UNKL: variants seen among roughly 807,000 people sequenced by gnomAD.
UNKL encodes the protein unk like zinc finger.
A neutral mutation model predicts 78.0 loss-of-function variants in UNKL; 60 were observed. That is an observed-to-expected ratio of 0.77 (90% CI 0.63 to 0.95). The LOEUF (loss-of-function observed/expected upper bound fraction) is 0.95, where lower values mean the gene tolerates loss of function less well. UNKL is among the 40% of genes least tolerant of loss of function. UNKL has a pLI of 0.00. For synonymous variants in UNKL, 608 were observed against 474.8 expected, an observed-to-expected ratio of 1.28 and a Z score of -3.65; for missense variants, 1,159 against 1,045.7, an observed-to-expected ratio of 1.11 and a Z score of -1.49.
chr16:1,395,778 G>A (rs1478542561), intron 6 of UNKL: 1 of 456,566 alleles, frequency 2.2e-6, no homozygotes. Context: ...ACTGAACACA[G>A]AAAACGCCCC....
intron 10 of UNKL, chr16:1,379,685 C>T (rs1760784760): frequency 7.1e-6 from 7 of 984,468 alleles, no homozygotes; most frequent in Non-Finnish European, 8.4e-6. Context: ...GGATTCAAAC[C>T]CGGCCCGCGC....
At chr16:1,369,569 A>G (rs1355802017) in intron 12 of UNKL, among the ~76,000 whole-genome samples, 2 of 151,936 alleles carry the variant, frequency 1.3e-5, no homozygotes, top group Non-Finnish European at 2.9e-5. Flanking sequence ...GGGTTTCTCC[A>G]TGTTGGTCAG....
rs559634723 is a variant in UNKL, at chr16:1,368,578, C to T, written c.1586-720G>A. Among the ~76,000 whole-genome samples, 390 of 115,122 alleles carry T rather than the reference C, an allele frequency of 3.4e-3. 1 individual carries two copies. Among genetic ancestry groups the T allele is most frequent in the Admixed American group, 9.3e-3 (75 of 8,026 alleles). The allele number at this position is 115,122 out of a possible 152,430, so 75.5% of individuals were successfully genotyped here. A position where few individuals can be genotyped will look rare whatever the true frequency, so the allele number is the denominator to read the frequency against. On this transcript the variant is annotated intron_variant, in intron 12 of 14. Transcript: ENST00000389221. ...GATTGCGCCACTGCAGTCCGCAGTC[C>T]GGCCTGGGCGACAGAATGAGACTCC...
rs2037441866 is a variant in UNKL, at chr16:1,399,888, T to A, written c.599-379A>T. Among the ~76,000 whole-genome samples the A allele has an allele frequency of 6.6e-6, 1 of 152,088 alleles. No homozygotes were observed. The highest frequency in any genetic ancestry group is 2.1e-4 in the South Asian group (1 of 4,832). On this transcript the variant is annotated intron_variant, in intron 4 of 14. Transcript: ENST00000389221. This position sits in a 1 kb window ranked among gnomAD's most constrained non-coding sequence, Gnocchi z 5.8. ...GTGTGCACAGCTTTTGAGAATATGC[T>A]AAAATCCAGAGACATGCACACCCCG...
At chr16:1,396,986 G>C in intron 6 of UNKL, 192 bp downstream of exon 6, 2 of 596,364 alleles carry the variant, frequency 3.4e-6, no homozygotes, top group Non-Finnish European at 5.9e-6. Context: ...GCTGAGGGCA[G>C]CCCGAAGGCC....
At chr16:1,382,734 G>C (rs2142076092) in intron 10 of UNKL, among the ~76,000 whole-genome samples, 1 of 152,086 alleles carries the variant, frequency 6.6e-6, no homozygotes, top group South Asian at 2.1e-4. Context: ...GAGTTGGGAG[G>C]ATCACCTGAG....
rs1461703390 is a variant in UNKL at position 1,365,962 on chromosome 16, C to CA, written c.*277dup. 2.8e-5 allele frequency: 9 copies of CA among 319,126 alleles called. No homozygotes were observed. Among genetic ancestry groups the CA allele is most frequent in the African/African-American group, 4.2e-5 (2 of 47,214 alleles). The allele number at this position is 319,126 out of a possible 1,614,324, so 19.8% of individuals were successfully genotyped here. ...TGGATCCCGGAGGCACCAGGCCCCTCAGGGACAGGCAGGCGGGTTCTGTGG... is the reference window on the plus strand; with the variant it reads ...TGGATCCCGGAGGCACCAGGCCCCTCAAGGGACAGGCAGGCGGGTTCTGTGG... On this transcript the variant is annotated 3_prime_UTR_variant, in exon 15 of 15. Coordinates refer to ENST00000389221, the MANE Select transcript of UNKL (RefSeq NM_001372107.1).
At position 1,403,198 on chromosome 16, in the gene UNKL, A is replaced by AG; in HGVS notation, c.433dup (p.Leu145ProfsTer9). On this transcript the variant is annotated frameshift_variant, in exon 3 of 15. Coordinates refer to ENST00000389221, the MANE Select transcript of UNKL (RefSeq NM_001372107.1). LOFTEE classifies it high-confidence loss of function. The surrounding 1 kb of genome is among the most constrained non-coding windows in gnomAD (Gnocchi z 4.8). ...GTCACACACGGGCGGCCGCAGGTCC[A>AG]GGGGGCCGTGCGCGAAGGCACAGTG... 1 of 1,613,642 alleles carries AG rather than the reference A, an allele frequency of 6.2e-7. No individual in the cohort carries two copies.
chr16:1,383,819 C>T (rs2036704121), intron 10 of UNKL: 1 of 442,068 alleles, frequency 2.3e-6, no homozygotes, highest in Non-Finnish European at 4.6e-6. Flanking sequence ...GGGACTGCAG[C>T]GAGGGCCCCC....
At position 1,387,663 on chromosome 16, in the gene UNKL, C is replaced by T. The variant is rs949517825; in HGVS notation, c.1087-2278G>A. On this transcript the variant is annotated intron_variant, in intron 9 of 14. Transcript: ENST00000389221. This position sits in a 1 kb window ranked among gnomAD's most constrained non-coding sequence, Gnocchi z 4.1. Reference sequence around the variant, plus strand: ...AGCTCACCGCATCCAGCAGCTATCACTCAGAACCAAAAGCTCAGGATGGCA... The same window carrying T: ...AGCTCACCGCATCCAGCAGCTATCATTCAGAACCAAAAGCTCAGGATGGCA... Among the ~76,000 whole-genome samples the T allele has an allele frequency of 6.6e-6, 1 of 152,146 alleles. No individual in the cohort carries two copies. The highest frequency in any genetic ancestry group is 6.5e-5 in the Admixed American group (1 of 15,284).
At chr16:1,398,867 T>C in intron 5 of UNKL, 4 of 1,575,732 alleles carry the variant, frequency 2.5e-6, no homozygotes, top group Non-Finnish European at 3.4e-6. Context: ...AGGTCCTGTG[T>C]GCACCCTGGG....
In UNKL at chr16:1,414,596, A is replaced by G. The variant is rs2142319964; in HGVS notation, c.77+19T>C. The stretch of plus-strand genomic sequence containing the variant: ...GCACCGGGCGCGGGCGGGGGGCCGC[A>G]GGCCGGACGGGCGCTGACCTGTAGT... On this transcript the variant is annotated intron_variant, in intron 1 of 14. Coordinates refer to ENST00000389221, the MANE Select transcript of UNKL (RefSeq NM_001372107.1). The G allele has an allele frequency of 1.9e-6, 2 of 1,025,870 alleles. No individual in the cohort carries two copies. Among genetic ancestry groups the G allele is most frequent in the South Asian group, 3.8e-5 (1 of 26,412 alleles). The allele number at this position is 1,025,870 out of a possible 1,614,324, so 63.5% of individuals were successfully genotyped here. A position where few individuals can be genotyped will look rare whatever the true frequency, so the allele number is the denominator to read the frequency against.
At chr16:1,410,588 CAT>C (rs557249000) in intron 2 of UNKL, among the ~76,000 whole-genome samples, 54 of 152,328 alleles carry the variant, frequency 3.5e-4, no homozygotes, top group Admixed American at 2.6e-4. Flanking sequence ...GCCTGGGTGA[CAT>C]AGAGTGCTGC....
intron 9 of UNKL, among the ~76,000 whole-genome samples, chr16:1,385,772 T>C (rs2036789661): frequency 6.6e-6 from 1 of 152,236 alleles, no homozygotes; most frequent in Non-Finnish European, 1.5e-5. Flanking sequence ...CCACACCTCC[T>C]GGGTGCCCCC....
chr16:1,376,890 C>G (rs1219601012), intron 10 of UNKL, among the ~76,000 whole-genome samples: 1 of 152,174 alleles, frequency 6.6e-6, no homozygotes, highest in African/African-American at 2.4e-5. Context: ...CACTGCTGTC[C>G]TGAACCCAGA....
intron 2 of UNKL, among the ~76,000 whole-genome samples, chr16:1,409,817 A>T (rs1416046400): frequency 6.6e-6 from 1 of 152,134 alleles, no homozygotes; most frequent in Non-Finnish European, 1.5e-5. Context: ...GCGGTGGCTC[A>T]TGTCTGTAAT....
intron 2 of UNKL, among the ~76,000 whole-genome samples, chr16:1,405,055 G>A (rs1472771681): frequency 3.9e-5 from 6 of 152,062 alleles, no homozygotes; most frequent in African/African-American, 1.4e-4. Context: ...TTAGCCCGGC[G>A]TGGTGGTGGA....
intron 10 of UNKL, among the ~76,000 whole-genome samples, chr16:1,380,063 G>C (rs1193788886): frequency 6.6e-6 from 1 of 152,226 alleles, no homozygotes; most frequent in Non-Finnish European, 1.5e-5. Context: ...CCAAGTCCGC[G>C]TGCCTGCCCA....
chr16:1,413,789 C>T, intron 2 of UNKL, 57 bp downstream of exon 2: 1 of 1,467,594 alleles, frequency 6.8e-7, no homozygotes, highest in Non-Finnish European at 9.1e-7. Flanking sequence ...GGCCGCATCC[C>T]CGGGTGGAGG....
Sources: gnomAD v4.1 joint callset for allele counts (sites outside exome capture counted in the v4.1 genomes callset) on GRCh38, gnomAD v4.1.1 for gene constraint, Gnocchi (gnomAD v3.1) non-coding constraint, MANE v1.5 for transcripts, NCBI Gene and HGNC (gene_info 2026-07-23, HGNC 2026-07-21) for gene names.